The following BSN variants were observed in gnomAD, a reference collection of about 807,000 sequenced individuals.
BSN encodes the protein bassoon presynaptic cytomatrix protein.
Under a neutral mutation model 264.8 loss-of-function variants are expected in BSN, and 57 were observed. The ratio of observed to expected loss-of-function variants is 0.22; its 90% CI spans 0.17 to 0.27. The LOEUF (loss-of-function observed/expected upper bound fraction) is 0.27, where lower values mean the gene tolerates loss of function less well. Among genes scored for constraint, BSN ranks in the 10% least tolerant of loss-of-function variants. The pLI, the probability that BSN is intolerant of heterozygous loss-of-function variation, is 1.00. For synonymous variants in BSN, 2,059 were observed against 2,137.3 expected, an observed-to-expected ratio of 0.96 and a Z score of 1.01; for missense variants, 4,615 against 5,232.5, an observed-to-expected ratio of 0.88 and a Z score of 3.64.
rs570833805 is a variant in BSN, at chr3:49,603,819, C to A, written c.225-21156C>A. On this transcript the variant is annotated intron_variant, in intron 1 of 11. Coordinates refer to ENST00000296452, the MANE Select transcript of BSN (RefSeq NM_003458.4). ...CCATTTTTGCCACCCCAAAAGAAAACCCCACACTCATTAAGCAGTTGCTCC... is the reference window on the plus strand; with the variant it reads ...CCATTTTTGCCACCCCAAAAGAAAAACCCACACTCATTAAGCAGTTGCTCC... 3.7e-4 allele frequency among the ~76,000 whole-genome samples: 56 copies of A among 152,250 alleles called. 1 individual carries two copies. The highest frequency in any genetic ancestry group is 9.8e-4 in the Admixed American group (15 of 15,286).
At chr3:49,605,872 T>TTATATAGATATAAATATATTTATATCTA (rs1559603167) in intron 1 of BSN, among the ~76,000 whole-genome samples, 26 of 48,140 alleles carry the variant, frequency 5.4e-4, no homozygotes, top group African/African-American at 7.3e-4. Flanking sequence ...TTATATCTAT[T>TTATATAGATATAAATATATTTATATCTA]TATATATAGA....
intron 1 of BSN, among the ~76,000 whole-genome samples, chr3:49,564,794 A>G (rs1176962121): frequency 6.6e-6 from 1 of 152,160 alleles, no homozygotes; most frequent in Non-Finnish European, 1.5e-5. Context: ...TTGGAGAGGC[A>G]ACCACCCCTT....
At chr3:49,605,082 A>G (rs1003074543) in intron 1 of BSN, among the ~76,000 whole-genome samples, 4 of 150,330 alleles carry the variant, frequency 2.7e-5, no homozygotes, top group African/African-American at 4.9e-5. Context: ...CAACATGGTG[A>G]AACCCCATCT....
chr3:49,593,494 G>A (rs1428856618), intron 1 of BSN, among the ~76,000 whole-genome samples: 1 of 152,142 alleles, frequency 6.6e-6, no homozygotes, highest in East Asian at 1.9e-4. Flanking sequence ...CAGATTGATT[G>A]TGCCATTTAT....
rs762032762 is a variant in BSN at position 49,651,499 on chromosome 3, G to A, written c.1987-44G>A. On this transcript the variant is annotated intron_variant, in intron 4 of 11. Transcript: ENST00000296452. The surrounding 1 kb of genome is among the most constrained non-coding windows in gnomAD (Gnocchi z 5.4). ...AGGGAGGATTGGGTTCCCACCACGA[G>A]CTTTGCCATGGGGAGTCAGTGTCTG... 2.6e-6 allele frequency: 4 copies of A among 1,521,884 alleles called. No individual in the cohort carries two copies. Among genetic ancestry groups the A allele is most frequent in the Non-Finnish European group, 3.5e-6 (4 of 1,132,650 alleles). 94.3% of individuals were successfully genotyped at this position (1,521,884 alleles called of 1,614,324 possible).
chr3:49,589,032 A>C (rs901010348), intron 1 of BSN, among the ~76,000 whole-genome samples: 1 of 149,536 alleles, frequency 6.7e-6, no homozygotes, highest in African/African-American at 2.5e-5. Context: ...CTCCTGCCTC[A>C]GCCTCCCGAG....
At chr3:49,605,301 T>TA (rs2108036393) in intron 1 of BSN, among the ~76,000 whole-genome samples, 1 of 100,010 alleles carries the variant, frequency 1.0e-5, no homozygotes, top group South Asian at 2.6e-4. Flanking sequence ...ATTTTATATA[T>TA]TATATATTAT....
In BSN at chr3:49,574,828, G is replaced by A. The variant is rs908887770; in HGVS notation, c.224+20002G>A. Among the ~76,000 whole-genome samples, 3 of 151,694 alleles carry A rather than the reference G, an allele frequency of 2.0e-5. No individual in the cohort carries two copies. In the East Asian group the frequency reaches 5.9e-4, roughly 30 times the overall value. ...ATTTTTTTCTTTTTAAGTAGAGATGGGGTTTCACCATGTTGGCCAGGCTGG... is the reference window on the plus strand; with the variant it reads ...ATTTTTTTCTTTTTAAGTAGAGATGAGGTTTCACCATGTTGGCCAGGCTGG... On this transcript the variant is annotated intron_variant, in intron 1 of 11. Transcript: ENST00000296452.
chr3:49,653,562 G>T lies in BSN; in HGVS notation c.4006G>T (p.Val1336Phe), dbSNP rs1381275603. 1.2e-6 allele frequency: 2 copies of T among 1,613,954 alleles called. No individual in the cohort carries two copies. Among genetic ancestry groups the T allele is most frequent in the Middle Eastern group, 3.3e-4 (2 of 6,062 alleles). The change falls in exon 5 of 12, where the codon GTT becomes TTT. Residue 1336 changes from valine to phenylalanine, a missense_variant. Transcript: ENST00000296452. The surrounding 1 kb of genome is among the most constrained non-coding windows in gnomAD (Gnocchi z 6.3). The stretch of plus-strand genomic sequence containing the variant: ...CTCCTCAGACAGCAGCGGGGGCCGA[G>T]TTATTCCCGATGTCCGTGTCACTCA... ...PTSSDSSGGR[V>F]IPDVRVTQHF... is the part of the protein sequence containing the mutation.
At chr3:49,578,134 G>A (rs1337910499) in intron 1 of BSN, among the ~76,000 whole-genome samples, 1 of 152,084 alleles carries the variant, frequency 6.6e-6, no homozygotes, top group Non-Finnish European at 1.5e-5. Context: ...ATTTAGAAAC[G>A]AATATTGCAT....
chr3:49,627,875 G>A (rs1031754606), intron 2 of BSN, among the ~76,000 whole-genome samples: 26 of 152,166 alleles, frequency 1.7e-4, no homozygotes, highest in African/African-American at 6.0e-4. Context: ...CAGTCCCAGC[G>A]CAGATGCACT....
chr3:49,556,123 T>C (rs1575422477), intron 1 of BSN, among the ~76,000 whole-genome samples: 1 of 152,214 alleles, frequency 6.6e-6, no homozygotes, highest in East Asian at 1.9e-4. Context: ...TTGCTGCATG[T>C]TGAGTTGCTG....
In BSN at chr3:49,653,039, C is replaced by G. The variant is rs1271268047; in HGVS notation, c.3483C>G (p.Leu1161=). ...SEYNLPTFMS[L]YSPTETPSGS... ...ACAACCTGCCCACCTTCATGTCCCT[C>G]TACTCACCAACCGAGACACCCTCCG... Residue 1161 remains leucine, a synonymous_variant, in exon 5 of 12, where the codon CTC becomes CTG. Coordinates refer to ENST00000296452, the MANE Select transcript of BSN (RefSeq NM_003458.4). The surrounding 1 kb of genome is among the most constrained non-coding windows in gnomAD (Gnocchi z 6.3). The G allele has an allele frequency of 6.2e-7, 1 of 1,613,602 alleles. No individual in the cohort carries two copies. Among genetic ancestry groups the G allele is most frequent in the Non-Finnish European group, 8.5e-7 (1 of 1,180,022 alleles).
rs72936026 is a variant in BSN at position 49,635,633 on chromosome 3, T to C, written c.634-6635T>C. Among the ~76,000 whole-genome samples the C allele has an allele frequency of 6.2e-3, 949 of 152,292 alleles. 13 individuals carry two copies. Among genetic ancestry groups the C allele is most frequent in the African/African-American group, 0.022 (900 of 41,558 alleles). ...CGTATCCATTCTACCATCTATTTGT[T>C]CTTCTGTCTGTCCATCTATCCATCC... On this transcript the variant is annotated intron_variant, in intron 2 of 11. Coordinates refer to ENST00000296452, the MANE Select transcript of BSN (RefSeq NM_003458.4).
intron 1 of BSN, among the ~76,000 whole-genome samples, chr3:49,563,177 G>A (rs1052031513): frequency 1.3e-5 from 2 of 152,216 alleles, no homozygotes; most frequent in African/African-American, 4.8e-5. Flanking sequence ...GAATGGACAA[G>A]ATGACTGCAC....
chr3:49,661,424 G>A lies in BSN; in HGVS notation c.9579G>A (p.Lys3193=), dbSNP rs914767013. 1.2e-6 allele frequency: 2 copies of A among 1,613,954 alleles called. No individual in the cohort carries two copies. Among genetic ancestry groups the A allele is most frequent in the Non-Finnish European group, 1.7e-6 (2 of 1,180,046 alleles). ...TGAGCAGCGGCTATGAGCAGGGCAAGGTCCCTGAGGTGCCCCGGGCTGGTG... is the reference window on the plus strand; with the variant it reads ...TGAGCAGCGGCTATGAGCAGGGCAAAGTCCCTGAGGTGCCCCGGGCTGGTG... ...PAVSSGYEQG[K]VPEVPRAGDR... The change falls in exon 6 of 12, where the codon AAG becomes AAA. Residue 3193 remains lysine, a synonymous_variant. Coordinates refer to ENST00000296452, the MANE Select transcript of BSN (RefSeq NM_003458.4).
intron 1 of BSN, among the ~76,000 whole-genome samples, chr3:49,587,928 T>TTTTCTTTTC (rs754414964): frequency 6.9e-6 from 1 of 144,210 alleles, no homozygotes; most frequent in African/African-American, 2.6e-5. Context: ...TTTTCTTTTC[T>TTTTCTTTTC]TTTTTTTTTT....
In BSN at chr3:49,554,788, C is replaced by T. The variant is rs1253132618; in HGVS notation, c.186C>T (p.Gly62=). The T allele has an allele frequency of 8.2e-7, 1 of 1,222,872 alleles. No homozygotes were observed. Among genetic ancestry groups the T allele is most frequent in the South Asian group, 4.1e-5 (1 of 24,432 alleles). The allele number at this position is 1,222,872 out of a possible 1,614,324, so 75.8% of individuals were successfully genotyped here. The change falls in exon 1 of 12, where the codon GGC becomes GGT. Residue 62 remains glycine, a synonymous_variant. Transcript: ENST00000296452. The part of the protein sequence containing the change: ...ARSTAVPPVP[G]PGPGPGPGPG... ...CGACCGCGGTACCACCGGTCCCTGG[C>T]CCCGGCCCCGGCCCCGGTCCCGGCC...
rs774202012 is a variant in BSN at position 49,662,397 on chromosome 3, G to A, written c.10552G>A (p.Gly3518Arg). ...TCCTTTGGGGAGGCCCCGCCCTGCCGGAGGGCCCCTCCCTCCCGGCGGGGA... is the reference window on the plus strand; with the variant it reads ...TCCTTTGGGGAGGCCCCGCCCTGCCAGAGGGCCCCTCCCTCCCGGCGGGGA... Reference protein sequence around the residue: ...VSPLGRPRPAGGPLPPGGDTC... With the variant: ...VSPLGRPRPARGPLPPGGDTC... The change falls in exon 6 of 12, where the codon GGA (glycine) becomes AGA (arginine). Residue 3518 changes from glycine to arginine, a missense_variant. By Grantham distance (125) the Gly-to-Arg change is moderately radical. Transcript: ENST00000296452. The A allele has an allele frequency of 1.2e-5, 19 of 1,613,520 alleles. No individual in the cohort carries two copies. The highest frequency in any genetic ancestry group is 1.7e-4 in the Middle Eastern group (1 of 6,052).
Sources: allele counts gnomAD v4.1 joint callset (sites outside exome capture counted in the v4.1 genomes callset), GRCh38; gene constraint gnomAD v4.1.1; non-coding constraint Gnocchi (gnomAD v3.1); transcripts MANE v1.5; gene names NCBI Gene and HGNC (gene_info 2026-07-23, HGNC 2026-07-21).